The following MLLT3 variants were observed in gnomAD, a reference collection of about 807,000 sequenced individuals.
MLLT3 encodes MLLT3 super elongation complex subunit.
In MLLT3, 4 loss-of-function variants were observed where a neutral mutation model predicts 53.2. The observed-to-expected ratio is 0.08, with a 90% CI of 0.04 to 0.17. The LOEUF is 0.17. Among genes scored for constraint, MLLT3 ranks in the 10% least tolerant of loss-of-function variants. The pLI is 1.00. For synonymous variants in MLLT3, 283 were observed against 230.6 expected, an observed-to-expected ratio of 1.23 and a Z score of -2.06; for missense variants, 569 against 684.0, an observed-to-expected ratio of 0.83 and a Z score of 1.87.
intron 2 of MLLT3, among the ~76,000 whole-genome samples, chr9:20,528,380 G>T (rs1370850665): frequency 6.6e-6 from 1 of 152,192 alleles, no homozygotes; most frequent in African/African-American, 2.4e-5. Flanking sequence ...AACCCAACTG[G>T]TAACAGGAAA....
At chr9:20,506,243 G>T (rs1009805196) in intron 2 of MLLT3, among the ~76,000 whole-genome samples, 1 of 152,120 alleles carries the variant, frequency 6.6e-6, no homozygotes, top group African/African-American at 2.4e-5. Flanking sequence ...GTTTCTCCAT[G>T]TTGGCCAGGC....
chr9:20,368,113 C>T (rs1356990482), intron 5 of MLLT3, among the ~76,000 whole-genome samples: 1 of 152,226 alleles, frequency 6.6e-6, no homozygotes, highest in African/African-American at 2.4e-5. Flanking sequence ...CAATGTCTTA[C>T]ACATTGCTGT....
intron 2 of MLLT3, among the ~76,000 whole-genome samples, chr9:20,572,849 T>G (rs1484039813): frequency 6.6e-6 from 1 of 152,198 alleles, no homozygotes; most frequent in Non-Finnish European, 1.5e-5. Flanking sequence ...CTCAGTTAAT[T>G]AGGTCTAGAA....
intron 4 of MLLT3, among the ~76,000 whole-genome samples, chr9:20,437,813 A>T (rs2118828810): frequency 6.6e-6 from 1 of 152,212 alleles, no homozygotes; most frequent in East Asian, 1.9e-4. Context: ...GGAAAATTCC[A>T]CTTCACTTAA....
chr9:20,472,972 A>T (rs2118891635), intron 2 of MLLT3, among the ~76,000 whole-genome samples: 1 of 151,998 alleles, frequency 6.6e-6, no homozygotes, highest in Non-Finnish European at 1.5e-5. Flanking sequence ...CACCTAGAAC[A>T]GTGGTCTCAG....
intron 2 of MLLT3, among the ~76,000 whole-genome samples, chr9:20,562,175 T>G (rs1233703055): frequency 6.6e-6 from 1 of 152,146 alleles, no homozygotes; most frequent in Non-Finnish European, 1.5e-5. Flanking sequence ...AAAGGGCTAT[T>G]ATACTAAGTG....
chr9:20,372,554 ATTTTTTTTTTTTTTT>A (rs34889625), intron 5 of MLLT3, among the ~76,000 whole-genome samples: 4 of 82,224 alleles, frequency 4.9e-5, no homozygotes, highest in South Asian at 1.1e-3. Flanking sequence ...CGCCCGGCTA[ATTTTTTTTTTTTTTT>A]TTTTTTTTTT....
At chr9:20,598,552 T>C (rs1207387102) in intron 2 of MLLT3, among the ~76,000 whole-genome samples, 1 of 152,342 alleles carries the variant, frequency 6.6e-6, no homozygotes, top group East Asian at 1.9e-4. Flanking sequence ...TTGCCATTAG[T>C]CATTCTTTAG....
At chr9:20,478,663 G>A (rs191361174) in intron 2 of MLLT3, among the ~76,000 whole-genome samples, 14 of 152,300 alleles carry the variant, frequency 9.2e-5, no homozygotes, top group African/African-American at 1.4e-4. Context: ...GCACAGGACC[G>A]TGAATAAGAT....
chr9:20,398,757 C>CT (rs923369349), intron 5 of MLLT3, among the ~76,000 whole-genome samples: 6 of 152,040 alleles, frequency 3.9e-5, no homozygotes, highest in African/African-American at 1.4e-4. Context: ...AAACTATTTG[C>CT]TTTTTTAAAA....
intron 2 of MLLT3, among the ~76,000 whole-genome samples, chr9:20,606,679 G>C (rs1820579462): frequency 6.6e-6 from 1 of 152,070 alleles, no homozygotes; most frequent in Non-Finnish European, 1.5e-5. Context: ...AGATCCTTTA[G>C]AGAAAACTTT....
At chr9:20,466,482 G>T (rs943883322) in intron 2 of MLLT3, among the ~76,000 whole-genome samples, 1 of 152,050 alleles carries the variant, frequency 6.6e-6, no homozygotes, top group African/African-American at 2.4e-5. Flanking sequence ...AGAGTATGGG[G>T]TTTTTTTGCT....
intron 5 of MLLT3, among the ~76,000 whole-genome samples, chr9:20,371,641 G>A (rs181791158): frequency 1.3e-5 from 2 of 152,276 alleles, no homozygotes; most frequent in Admixed American, 6.5e-5. Flanking sequence ...CACAATAAAA[G>A]ATCCGTTTCA....
At chr9:20,401,861 A>G (rs921226242) in intron 5 of MLLT3, among the ~76,000 whole-genome samples, 3 of 152,204 alleles carry the variant, frequency 2.0e-5, no homozygotes, top group Non-Finnish European at 2.9e-5. Context: ...TTGAATAGAT[A>G]ACTAGCAGTG....
intron 5 of MLLT3, among the ~76,000 whole-genome samples, chr9:20,406,675 T>C (rs1458049626): frequency 6.6e-6 from 1 of 152,212 alleles, no homozygotes; most frequent in African/African-American, 2.4e-5. Flanking sequence ...CATATATGTA[T>C]TTTCCTTCTA....
chr9:20,461,349 A>G (rs1348925733), intron 2 of MLLT3, among the ~76,000 whole-genome samples: 65 of 152,190 alleles, frequency 4.3e-4, no homozygotes, highest in Admixed American at 4.3e-3. Flanking sequence ...CATGTACACA[A>G]GGAAGAAAAA....
At chr9:20,389,716 G>A (rs1822138623) in intron 5 of MLLT3, among the ~76,000 whole-genome samples, 1 of 152,100 alleles carries the variant, frequency 6.6e-6, no homozygotes. Flanking sequence ...AGAGTTCAAG[G>A]TTACAGTGTG....
At chr9:20,437,868 T>C (rs958825747) in intron 4 of MLLT3, among the ~76,000 whole-genome samples, 3 of 152,206 alleles carry the variant, frequency 2.0e-5, no homozygotes, top group Non-Finnish European at 4.4e-5. Context: ...TTGTGTGAAA[T>C]TCCCTACAGC....
At chr9:20,581,270 T>G (rs1251154149) in intron 2 of MLLT3, among the ~76,000 whole-genome samples, 1 of 152,162 alleles carries the variant, frequency 6.6e-6, no homozygotes, top group African/African-American at 2.4e-5. Flanking sequence ...TTATGGTAAG[T>G]GGGAGTGGGA....
Sources: gnomAD v4.1 joint callset for allele counts (sites outside exome capture counted in the v4.1 genomes callset) on GRCh38, gnomAD v4.1.1 for gene constraint, MANE v1.5 for transcripts, NCBI Gene and HGNC (gene_info 2026-07-23, HGNC 2026-07-21) for gene names.